Variants in SMARCA2 observed in about 807,000 individuals in gnomAD.
The protein encoded by SMARCA2 is SWI/SNF related BAF chromatin remodeling complex subunit ATPase 2.
Under a neutral mutation model 199.8 loss-of-function variants are expected in SMARCA2, and 61 were observed. That is an observed-to-expected ratio of 0.31 (90% CI 0.25 to 0.38). The LOEUF is 0.38. Ranked by LOEUF, SMARCA2 falls within the 10% of genes least tolerant of loss-of-function variation. The probability of loss-of-function intolerance (pLI) is 1.00; values close to 1 mark genes in which losing one functional copy is unlikely to be tolerated. For synonymous variants in SMARCA2, 935 were observed against 732.0 expected (o/e 1.28, Z -4.48); for missense variants, 1,344 against 2,012.2 (o/e 0.67, Z 6.35).
intron 17 of SMARCA2, among the ~76,000 whole-genome samples, chr9:2,085,041 A>AT (rs1243792244): frequency 2.0e-5 from 3 of 152,110 alleles, no homozygotes; most frequent in African/African-American, 7.2e-5. Flanking sequence ...TAGAACCTCT[A>AT]TTTCTGGGGT....
At chr9:2,083,530 C>A in intron 16 of SMARCA2, 117 bp downstream of exon 16, 1 of 622,944 alleles carries the variant, frequency 1.6e-6, no homozygotes, top group Non-Finnish European at 2.8e-6. Flanking sequence ...TCATGTACAT[C>A]ATGTACTAAA....
intron 25 of SMARCA2, among the ~76,000 whole-genome samples, chr9:2,116,732 TATTC>T (rs1275812217): frequency 1.3e-5 from 2 of 152,220 alleles, no homozygotes; most frequent in Non-Finnish European, 2.9e-5. Context: ...ATTTTATAAA[TATTC>T]ATTCCAAAAT....
At chr9:2,141,064 T>G (rs1444879900) in intron 27 of SMARCA2, among the ~76,000 whole-genome samples, 2 of 152,098 alleles carry the variant, frequency 1.3e-5, no homozygotes, top group Non-Finnish European at 2.9e-5. Context: ...AGTCAATGCT[T>G]TCTTACTGCC....
chr9:2,143,242 G>A (rs1325718977), intron 27 of SMARCA2, among the ~76,000 whole-genome samples: 3 of 152,148 alleles, frequency 2.0e-5, no homozygotes, highest in East Asian at 1.9e-4. Context: ...TTGGAAATAC[G>A]TGACCCCTGC....
At chr9:2,145,522 G>A (rs1388558941) in intron 27 of SMARCA2, among the ~76,000 whole-genome samples, 1 of 152,150 alleles carries the variant, frequency 6.6e-6, no homozygotes, top group East Asian at 1.9e-4. Context: ...AGAATCATCC[G>A]TAAAGGTGAC....
At chr9:2,071,418 A>G (rs1821082861) in intron 10 of SMARCA2, among the ~76,000 whole-genome samples, 1 of 152,230 alleles carries the variant, frequency 6.6e-6, no homozygotes, top group African/African-American at 2.4e-5. Context: ...GAGCACTTAG[A>G]AACAACTCTA....
At chr9:2,132,195 A>T (rs78063867) in intron 27 of SMARCA2, among the ~76,000 whole-genome samples, 3,411 of 152,334 alleles carry the variant, frequency 0.022, 43 homozygotes, top group Non-Finnish European at 0.035. Flanking sequence ...AGAACAAGAC[A>T]TTTGAAATTC....
At chr9:2,067,009 A>G (rs1174733956) in intron 9 of SMARCA2, among the ~76,000 whole-genome samples, 4 of 152,226 alleles carry the variant, frequency 2.6e-5, no homozygotes, top group Non-Finnish European at 5.9e-5. Flanking sequence ...ACCAACCAGC[A>G]ATGTCATCAA....
intron 27 of SMARCA2, among the ~76,000 whole-genome samples, chr9:2,126,166 C>T (rs780118409): frequency 2.0e-5 from 3 of 152,162 alleles, no homozygotes; most frequent in Non-Finnish European, 2.9e-5. Flanking sequence ...ACAACATGCA[C>T]ATTTAAAAAT....
At chr9:2,188,734 G>A (rs903952926) in intron 32 of SMARCA2, among the ~76,000 whole-genome samples, 11 of 152,300 alleles carry the variant, frequency 7.2e-5, no homozygotes, top group African/African-American at 2.6e-4. Flanking sequence ...TTCAGCATGA[G>A]TCTCCCTGGA....
chr9:2,108,041 C>T (rs1822838380), intron 23 of SMARCA2, among the ~76,000 whole-genome samples: 1 of 152,152 alleles, frequency 6.6e-6, no homozygotes, highest in South Asian at 2.1e-4. Flanking sequence ...CAGGTTCGTT[C>T]TACACAGGCA....
intron 4 of SMARCA2, among the ~76,000 whole-genome samples, chr9:2,046,849 C>G (rs552104412): frequency 6.6e-6 from 1 of 152,222 alleles, no homozygotes; most frequent in South Asian, 2.1e-4. Flanking sequence ...AGAAAGAAAC[C>G]CATTGCAGAG....
At chr9:2,026,576 T>C (rs1306107669) in intron 1 of SMARCA2, among the ~76,000 whole-genome samples, 4 of 152,238 alleles carry the variant, frequency 2.6e-5, no homozygotes, top group Non-Finnish European at 5.9e-5. Flanking sequence ...ACATCAATTA[T>C]ATTAAACGTA....
In SMARCA2 at chr9:2,169,337, G is replaced by A. The variant is rs572982642; in HGVS notation, c.4200-1082G>A. 6.6e-6 allele frequency among the ~76,000 whole-genome samples: 1 copy of A among 152,116 alleles called. No individual in the cohort carries two copies. The highest frequency in any genetic ancestry group is 1.5e-5 in the Non-Finnish European group (1 of 68,022). On this transcript the variant is annotated intron_variant, in intron 28 of 33. Coordinates refer to ENST00000349721, the MANE Select transcript of SMARCA2 (RefSeq NM_003070.5). This position sits in a 1 kb window ranked among gnomAD's most constrained non-coding sequence, Gnocchi z 6.5. ...CTTTAGAACTCTTCACAGCGGCCCCGTTGCCTACCCGATGATGACCAGACT... is the reference window on the plus strand; with the variant it reads ...CTTTAGAACTCTTCACAGCGGCCCCATTGCCTACCCGATGATGACCAGACT...
chr9:2,078,776 C>T (rs1412693892), intron 14 of SMARCA2, among the ~76,000 whole-genome samples: 1 of 151,962 alleles, frequency 6.6e-6, no homozygotes, highest in African/African-American at 2.4e-5. Context: ...AACCCTGTCT[C>T]TACTAAAAAC....
intron 27 of SMARCA2, among the ~76,000 whole-genome samples, chr9:2,151,599 T>C (rs1825085013): frequency 6.6e-6 from 1 of 152,004 alleles, no homozygotes; most frequent in African/African-American, 2.4e-5. Flanking sequence ...CTGGGCCCAG[T>C]GGTGCCTGCC....
intron 29 of SMARCA2, among the ~76,000 whole-genome samples, chr9:2,172,318 A>G (rs1423880927): frequency 1.3e-5 from 2 of 151,594 alleles, no homozygotes; most frequent in Admixed American, 1.3e-4. Context: ...AGTACCTGGT[A>G]TGAATGACAC....
chr9:2,109,949 G>A (rs1218933790), intron 23 of SMARCA2, among the ~76,000 whole-genome samples: 2 of 152,132 alleles, frequency 1.3e-5, no homozygotes, highest in Non-Finnish European at 2.9e-5. Context: ...ATTATTTGTT[G>A]TTATAAATCA....
rs373871558 is a variant in SMARCA2 at position 2,086,308 on chromosome 9, G to A, written c.2527-521G>A. On this transcript the variant is annotated intron_variant, in intron 17 of 33. Transcript: ENST00000349721. The surrounding 1 kb of genome is among the most constrained non-coding windows in gnomAD (Gnocchi z 4.3). ...ACACACTTCCGGGCCAAGCCCTAAAGGTAGTAACCAGCCAGGCTAATAGAA... is the reference window on the plus strand; with the variant it reads ...ACACACTTCCGGGCCAAGCCCTAAAAGTAGTAACCAGCCAGGCTAATAGAA... 1.1e-3 allele frequency among the ~76,000 whole-genome samples: 168 copies of A among 152,324 alleles called. No homozygotes were observed. Among genetic ancestry groups the A allele is most frequent in the African/African-American group, 3.8e-3 (158 of 41,584 alleles).
Sources: allele counts gnomAD v4.1 joint callset (sites outside exome capture counted in the v4.1 genomes callset), GRCh38; gene constraint gnomAD v4.1.1; non-coding constraint Gnocchi (gnomAD v3.1); transcripts MANE v1.5; gene names NCBI Gene and HGNC (gene_info 2026-07-23, HGNC 2026-07-21).